TSPAN9: variants seen among roughly 807,000 people sequenced by gnomAD.
The protein encoded by TSPAN9 is tetraspanin 9.
In TSPAN9, 16 loss-of-function variants were observed where a neutral mutation model predicts 31.0. That is an observed-to-expected ratio of 0.52 (90% CI 0.35 to 0.78). The LOEUF (loss-of-function observed/expected upper bound fraction) is 0.78. Ranked by LOEUF, TSPAN9 falls within the 30% of genes least tolerant of loss-of-function variation. The pLI, the probability that TSPAN9 is intolerant of heterozygous loss-of-function variation, is 0.01. For missense variants in TSPAN9, 272 were observed against 312.5 expected (o/e 0.87, Z 0.98); for synonymous variants, 145 against 121.6 (o/e 1.19, Z -1.27).
chr12:3,209,786 C>T (rs914418907), intron 3 of TSPAN9, among the ~76,000 whole-genome samples: 19 of 151,540 alleles, frequency 1.3e-4, no homozygotes, highest in Non-Finnish European at 2.2e-4. Context: ...GGTGAAACCC[C>T]GTCTCTACTA....
Position 3,275,871 on chromosome 12 carries a change from G to T in TSPAN9, c.64-2550G>T, listed in dbSNP as rs376651449. Among the ~76,000 whole-genome samples, 181 of 152,366 alleles carry T rather than the reference G, an allele frequency of 1.2e-3. 1 individual carries two copies. Among genetic ancestry groups the T allele is most frequent in the African/African-American group, 4.2e-3 (176 of 41,592 alleles). On this transcript the variant is annotated intron_variant, in intron 3 of 8. Coordinates refer to ENST00000011898, the MANE Select transcript of TSPAN9 (RefSeq NM_006675.5). Reference sequence around the variant, plus strand: ...TGCACTGTCTCTTGGTTAGTAATACGTGGCGGTGTCTGTTCCTACCTTTTT... The same window carrying T: ...TGCACTGTCTCTTGGTTAGTAATACTTGGCGGTGTCTGTTCCTACCTTTTT...
At chr12:3,201,365 AGTG>A (rs1362397963) in intron 3 of TSPAN9, 109 bp downstream of exon 3, 39 of 1,086,110 alleles carry the variant, frequency 3.6e-5, no homozygotes, top group Non-Finnish European at 5.3e-5. Context: ...CTCTCTGCAC[AGTG>A]GTAAGTGTGC....
intron 3 of TSPAN9, among the ~76,000 whole-genome samples, chr12:3,234,866 T>C (rs548574231): frequency 5.3e-5 from 8 of 151,448 alleles, no homozygotes; most frequent in Admixed American, 1.3e-4. Flanking sequence ...AGGAAAAAAA[T>C]ATAGGTAAGT....
At position 3,143,808 on chromosome 12, in the gene TSPAN9, T is replaced by A. The variant is rs1471824735; in HGVS notation, c.-17-57369T>A. The stretch of plus-strand genomic sequence containing the variant: ...CTCTTCCTTACTTTCTGGCACAAGA[T>A]GCTCCGGGTCGTGTTATGTTTCTCC... On this transcript the variant is annotated intron_variant, in intron 2 of 8. Transcript: ENST00000011898. This position sits in a 1 kb window ranked among gnomAD's most constrained non-coding sequence, Gnocchi z 4.2. 1.3e-5 allele frequency among the ~76,000 whole-genome samples: 2 copies of A among 152,204 alleles called. No individual in the cohort carries two copies. The highest frequency in any genetic ancestry group is 2.9e-5 in the Non-Finnish European group (2 of 68,038).
At chr12:3,130,785 T>C (rs2098329482) in intron 2 of TSPAN9, among the ~76,000 whole-genome samples, 1 of 152,248 alleles carries the variant, frequency 6.6e-6, no homozygotes, top group African/African-American at 2.4e-5. Context: ...GAGTTACTTC[T>C]ATTTTTACCG....
intron 3 of TSPAN9, among the ~76,000 whole-genome samples, chr12:3,268,229 T>C (rs1862577063): frequency 7.6e-6 from 1 of 131,698 alleles, no homozygotes; most frequent in East Asian, 2.7e-4. Flanking sequence ...CTGCCCTCTC[T>C]GTGTTCCTGC....
intron 1 of TSPAN9, among the ~76,000 whole-genome samples, chr12:3,081,844 G>GTGTGTGTGTGTGTA (rs57812985): frequency 9.4e-4 from 110 of 116,764 alleles, no homozygotes; most frequent in East Asian, 5.0e-3. Context: ...GTCTGTGTGT[G>GTGTGTGTGTGTGTA]TATATATATG....
Position 3,283,328 on chromosome 12 carries a change from C to T in TSPAN9, c.*212C>T. 1.8e-6 allele frequency: 1 copy of T among 542,356 alleles called. No homozygotes were observed. The highest frequency in any genetic ancestry group is 3.2e-6 in the Non-Finnish European group (1 of 310,026). The allele number at this position is 542,356 out of a possible 1,614,324, so 33.6% of individuals were successfully genotyped here. ...ACACGGAGACCTGGGGCTCGGGGCC[C>T]CTGGATTCCTGCATCTGCATATGCG... On this transcript the variant is annotated 3_prime_UTR_variant, in exon 9 of 9. Transcript: ENST00000011898.
chr12:3,250,433 T>C (rs1862226925), intron 3 of TSPAN9, among the ~76,000 whole-genome samples: 1 of 152,212 alleles, frequency 6.6e-6, no homozygotes, highest in Non-Finnish European at 1.5e-5. Context: ...TCATGCCTTT[T>C]TAGGGTTCAC....
intron 2 of TSPAN9, among the ~76,000 whole-genome samples, chr12:3,176,279 GAGA>G (rs1423225994): frequency 6.6e-6 from 1 of 152,254 alleles, no homozygotes; most frequent in Non-Finnish European, 1.5e-5. Flanking sequence ...GATTGGAGAA[GAGA>G]AGGTCCAATT....
At chr12:3,278,095 C>T (rs545256093) in intron 3 of TSPAN9, among the ~76,000 whole-genome samples, 2 of 152,366 alleles carry the variant, frequency 1.3e-5, no homozygotes, top group South Asian at 4.1e-4. Context: ...TAACCACTCA[C>T]ATGTGTCCAG....
chr12:3,226,761 TATATATATATATATATATATATATATATA>T (rs2098387768), intron 3 of TSPAN9, among the ~76,000 whole-genome samples: 2 of 1,784 alleles, frequency 1.1e-3, no homozygotes, highest in African/African-American at 1.6e-3. Flanking sequence ...TATATATATA[TATATATATATATATATATATATATATATA>T]TATATTTTTT....
chr12:3,163,708 T>C (rs1232993283), intron 2 of TSPAN9, among the ~76,000 whole-genome samples: 1 of 152,194 alleles, frequency 6.6e-6, no homozygotes, highest in African/African-American at 2.4e-5. Context: ...ATCCATTGCG[T>C]ATAATTTACA....
chr12:3,123,720 C>A (rs1450653343), intron 2 of TSPAN9, among the ~76,000 whole-genome samples: 1 of 151,748 alleles, frequency 6.6e-6, no homozygotes, highest in African/African-American at 2.4e-5. Context: ...CTACCTTAAT[C>A]CTTGCAGGCA....
chr12:3,265,300 G>A (rs764410508), intron 3 of TSPAN9, among the ~76,000 whole-genome samples: 4 of 152,176 alleles, frequency 2.6e-5, no homozygotes, highest in South Asian at 2.1e-4. Context: ...TACAGGCACC[G>A]CGTGGAAAAG....
At position 3,285,969 on chromosome 12, in the gene TSPAN9, C is replaced by A; in HGVS notation, c.*2853C>A. The A allele has an allele frequency of 6.6e-6, 1 of 152,624 alleles. No individual in the cohort carries two copies. Among genetic ancestry groups the A allele is most frequent in the Non-Finnish European group, 1.5e-5 (1 of 68,154 alleles). 9.5% of individuals were successfully genotyped at this position (152,624 alleles called of 1,614,324 possible). A position where few individuals can be genotyped will look rare whatever the true frequency, so the allele number is the denominator to read the frequency against. The stretch of plus-strand genomic sequence containing the variant: ...TGAGCCGTGTCACCCCCCTCTCCCT[C>A]CAGCATGGGCCTGTGTCTCAGGCTC... On this transcript the variant is annotated 3_prime_UTR_variant, in exon 9 of 9. Coordinates refer to ENST00000011898, the MANE Select transcript of TSPAN9 (RefSeq NM_006675.5).
chr12:3,177,463 C>T (rs1185190634), intron 2 of TSPAN9, among the ~76,000 whole-genome samples: 1 of 152,208 alleles, frequency 6.6e-6, no homozygotes, highest in Non-Finnish European at 1.5e-5. Flanking sequence ...GATGGAGTCT[C>T]GCTCTGTTGC....
intron 2 of TSPAN9, among the ~76,000 whole-genome samples, chr12:3,104,543 G>A (rs962825476): frequency 2.6e-5 from 4 of 151,964 alleles, no homozygotes; most frequent in Non-Finnish European, 5.9e-5. Flanking sequence ...TGTAGAAATG[G>A]GGGTCTTGCT....
intron 1 of TSPAN9, among the ~76,000 whole-genome samples, 165 bp downstream of exon 1, chr12:3,077,618 G>A (rs1038917442): frequency 1.3e-5 from 2 of 151,766 alleles, no homozygotes; most frequent in African/African-American, 4.8e-5. Flanking sequence ...GGCGGCGGTG[G>A]GACGAGAGGA....
Sources: allele counts gnomAD v4.1 joint callset (sites outside exome capture counted in the v4.1 genomes callset), GRCh38; gene constraint gnomAD v4.1.1; non-coding constraint Gnocchi (gnomAD v3.1); transcripts MANE v1.5; gene names NCBI Gene and HGNC (gene_info 2026-07-23, HGNC 2026-07-21).